STIM2: variants seen among roughly 807,000 people sequenced by gnomAD.
STIM2 encodes the protein stromal interaction molecule 2.
Under a neutral mutation model 85.8 loss-of-function variants are expected in STIM2, and 31 were observed. That is an observed-to-expected ratio of 0.36 (90% confidence interval 0.27 to 0.49). The LOEUF (loss-of-function observed/expected upper bound fraction) is 0.49. Among genes scored for constraint, STIM2 ranks in the 20% least tolerant of loss-of-function variants. STIM2 has a pLI of 0.98. For missense variants in STIM2, 841 were observed against 927.6 expected, an observed-to-expected ratio of 0.91 and a Z score of 1.21; for synonymous variants, 356 against 331.1, an observed-to-expected ratio of 1.08 and a Z score of -0.82.
At chr4:26,880,853 T>C (rs915020624) in intron 1 of STIM2, among the ~76,000 whole-genome samples, 2 of 151,692 alleles carry the variant, frequency 1.3e-5, no homozygotes, top group South Asian at 4.1e-4. Context: ...ATTGGTACTT[T>C]GTTATTTTTA....
intron 3 of STIM2, among the ~76,000 whole-genome samples, chr4:26,981,244 A>C (rs1727378754): frequency 6.6e-6 from 1 of 152,142 alleles, no homozygotes; most frequent in Admixed American, 6.6e-5. Context: ...CCCACCTTAG[A>C]GGGTTGTGCT....
intron 1 of STIM2, among the ~76,000 whole-genome samples, chr4:26,909,091 AAG>A (rs1724236222): frequency 1.3e-5 from 2 of 152,204 alleles, no homozygotes; most frequent in South Asian, 4.1e-4. Flanking sequence ...AGGAAAATAA[AAG>A]ATATTTTTGA....
intron 2 of STIM2, among the ~76,000 whole-genome samples, chr4:26,932,079 A>G (rs997626876): frequency 6.6e-5 from 10 of 152,200 alleles, no homozygotes; most frequent in African/African-American, 2.4e-4. Flanking sequence ...TAACAACTGT[A>G]TTAGCTAAGA....
At chr4:26,912,248 C>T (rs1291163956) in intron 1 of STIM2, among the ~76,000 whole-genome samples, 2 of 152,118 alleles carry the variant, frequency 1.3e-5, no homozygotes, top group African/African-American at 4.8e-5. Context: ...GCCAAGTTCT[C>T]GGCGGCATAT....
intron 1 of STIM2, among the ~76,000 whole-genome samples, chr4:26,875,701 A>G (rs1486460494): frequency 6.6e-6 from 1 of 152,196 alleles, no homozygotes; most frequent in Non-Finnish European, 1.5e-5. Context: ...GACATGACAT[A>G]TTTATAGACA....
At chr4:26,923,077 C>T (rs957584180) in intron 2 of STIM2, among the ~76,000 whole-genome samples, 4 of 151,136 alleles carry the variant, frequency 2.6e-5, no homozygotes, top group African/African-American at 4.9e-5. Context: ...CCCTGACCCC[C>T]GAGCAGCCTA....
At chr4:26,876,557 G>A (rs1406510664) in intron 1 of STIM2, among the ~76,000 whole-genome samples, 2 of 152,182 alleles carry the variant, frequency 1.3e-5, no homozygotes, top group African/African-American at 4.8e-5. Context: ...AAATTTGTGG[G>A]TATTAGAATT....
At chr4:26,873,921 C>T in intron 1 of STIM2, 1 of 1,357,126 alleles carries the variant, frequency 7.4e-7, no homozygotes, top group South Asian at 1.2e-5. Flanking sequence ...ACAGGGGCGC[C>T]TCCAGACAGC....
intron 2 of STIM2, among the ~76,000 whole-genome samples, chr4:26,930,022 G>A (rs1050461005): frequency 2.0e-5 from 3 of 152,098 alleles, no homozygotes; most frequent in Non-Finnish European, 4.4e-5. Flanking sequence ...TGAATTTGGA[G>A]TACTTTGGGT....
chr4:26,999,272 A>G lies in STIM2; in HGVS notation c.550A>G (p.Lys184Glu). The change falls in exon 5 of 12, where the codon AAA becomes GAA. Residue 184 changes from lysine to glutamate, a missense_variant. Coordinates refer to ENST00000467087, the MANE Select transcript of STIM2 (RefSeq NM_020860.4). ...ACCTTCATTTATGATCTCCCAGTTG[A>G]AAATCAGTGACCGGAGTCACAGACA... 6.2e-7 allele frequency: 1 copy of G among 1,609,598 alleles called. No homozygotes were observed. The highest frequency in any genetic ancestry group is 8.5e-7 in the Non-Finnish European group (1 of 1,177,806).
intron 7 of STIM2, among the ~76,000 whole-genome samples, chr4:27,004,879 A>G (rs1728279124): frequency 1.3e-5 from 2 of 152,214 alleles, no homozygotes; most frequent in Non-Finnish European, 2.9e-5. Flanking sequence ...AGTGTATGCT[A>G]CACACATTGC....
intron 1 of STIM2, among the ~76,000 whole-genome samples, chr4:26,911,236 AAAT>A (rs1724325271): frequency 3.1e-5 from 2 of 63,886 alleles, no homozygotes; most frequent in Non-Finnish European, 8.1e-5. Context: ...CTCAAAAAAT[AAAT>A]AAATAAATAA....
intron 3 of STIM2, among the ~76,000 whole-genome samples, chr4:26,987,442 C>A (rs1235639726): frequency 1.3e-5 from 2 of 152,116 alleles, no homozygotes; most frequent in Non-Finnish European, 2.9e-5. Flanking sequence ...ACCCTCTGTT[C>A]CTGTGAAAAT....
rs1477668044 is a variant in STIM2, at chr4:27,024,590, C to T, written c.*1594C>T. The T allele has an allele frequency of 1.3e-5, 2 of 152,134 alleles. No homozygotes were observed. The highest frequency in any genetic ancestry group is 2.1e-4 in the South Asian group (1 of 4,830). The allele number at this position is 152,134 out of a possible 1,614,324, so 9.4% of individuals were successfully genotyped here. On this transcript the variant is annotated 3_prime_UTR_variant, in exon 12 of 12. Transcript: ENST00000467087. Reference sequence around the variant, plus strand: ...TAAATTGTGATTGTTTATTCTATTACTATTGTTAAAAACTTGAATGGTATT... The same window carrying T: ...TAAATTGTGATTGTTTATTCTATTATTATTGTTAAAAACTTGAATGGTATT...
At chr4:26,866,413 A>T (rs1033516989) in intron 1 of STIM2, among the ~76,000 whole-genome samples, 1 of 152,178 alleles carries the variant, frequency 6.6e-6, no homozygotes, top group Admixed American at 6.5e-5. Context: ...TAGCACCACA[A>T]GGGACTGCAA....
At chr4:26,927,711 G>GAA (rs1560209514) in intron 2 of STIM2, among the ~76,000 whole-genome samples, 1 of 34,726 alleles carries the variant, frequency 2.9e-5, no homozygotes, top group African/African-American at 1.3e-4. Flanking sequence ...AAAAAAACTT[G>GAA]AATAAAAAAA....
intron 3 of STIM2, among the ~76,000 whole-genome samples, chr4:26,981,848 G>A (rs958036666): frequency 6.6e-6 from 1 of 152,128 alleles, no homozygotes; most frequent in Non-Finnish European, 1.5e-5. Flanking sequence ...CATTTTGGGT[G>A]GCACTTGGTA....
chr4:26,956,881 ATTAC>A (rs1007254841), intron 2 of STIM2, among the ~76,000 whole-genome samples: 7 of 152,074 alleles, frequency 4.6e-5, no homozygotes. Flanking sequence ...CCTTGGGCAA[ATTAC>A]TTAGCCTCTT....
In STIM2 at chr4:26,885,859, A is replaced by ATATATGTATATATATATATATG. The variant is rs1553845028; in HGVS notation, c.151+24495_151+24496insGTATATATATATATATGTATAT. 3.4e-5 allele frequency among the ~76,000 whole-genome samples: 3 copies of ATATATGTATATATATATATATG among 89,432 alleles called. No homozygotes were observed. The East Asian group carries it at 1.3e-3, about 40-fold the overall frequency. 58.7% of individuals were successfully genotyped at this position (89,432 alleles called of 152,430 possible). On this transcript the variant is annotated intron_variant, in intron 1 of 11. Transcript: ENST00000467087. The stretch of plus-strand genomic sequence containing the variant: ...TATATATATATATATATATATATAT[A>ATATATGTATATATATATATATG]TATATATATATATATGTATATGTCT...
Sources: allele counts gnomAD v4.1 joint callset (sites outside exome capture counted in the v4.1 genomes callset), GRCh38; gene constraint gnomAD v4.1.1; transcripts MANE v1.5; gene names NCBI Gene and HGNC (gene_info 2026-07-23, HGNC 2026-07-21).